UGGT1: variants seen among roughly 807,000 people sequenced by gnomAD.
The protein encoded by UGGT1 is UDP-glucose:glycoprotein glucosyltransferase 1.
In UGGT1, 107 loss-of-function variants were observed where a neutral mutation model predicts 203.9. The ratio of observed to expected loss-of-function variants is 0.52; its 90% CI spans 0.45 to 0.62. The LOEUF (loss-of-function observed/expected upper bound fraction) is 0.62, where lower values mean the gene tolerates loss of function less well. Among genes scored for constraint, UGGT1 ranks in the 20% least tolerant of loss-of-function variants. The pLI is 0.00. For synonymous variants in UGGT1, 628 were observed against 653.5 expected, an observed-to-expected ratio of 0.96 and a Z score of 0.59; for missense variants, 1,673 against 1,867.2, an observed-to-expected ratio of 0.90 and a Z score of 1.92.
chr2:128,176,998 G>C, intron 32 of UGGT1, 100 bp downstream of exon 32: 6 of 1,148,302 alleles, frequency 5.2e-6, no homozygotes, highest in Non-Finnish European at 7.6e-6. Flanking sequence ...AATTTGCTAT[G>C]GCAATTATAG....
chr2:128,155,463 T>C (rs1422598820), intron 19 of UGGT1, 26 bp from the exon 20 acceptor site: 9 of 1,524,480 alleles, frequency 5.9e-6, no homozygotes, highest in Non-Finnish European at 8.2e-6. Flanking sequence ...GGAACTAATA[T>C]ATACGTATTT....
chr2:128,144,243 T>C (rs939171969), intron 17 of UGGT1, among the ~76,000 whole-genome samples: 1 of 152,224 alleles, frequency 6.6e-6, no homozygotes, highest in Non-Finnish European at 1.5e-5. Context: ...TTGTTAATTA[T>C]TTATCATTAT....
rs542751629 is a variant in UGGT1 at position 128,092,585 on chromosome 2, A to G, written c.58+1170A>G. Among the ~76,000 whole-genome samples the G allele has an allele frequency of 1.8e-3, 265 of 144,822 alleles. 1 individual carries two copies. Among genetic ancestry groups the G allele is most frequent in the Admixed American group, 5.2e-3 (72 of 13,858 alleles). On this transcript the variant is annotated intron_variant, in intron 1 of 40. Transcript: ENST00000259253. ...CCCTGTAACAATACAAGATGATGTG[A>G]TAATTTTCTTTCTTTCTTTCTTTTT... is the stretch of plus-strand genomic sequence containing the variant.
At chr2:128,104,317 A>C (rs1480088367) in intron 3 of UGGT1, among the ~76,000 whole-genome samples, 2 of 152,210 alleles carry the variant, frequency 1.3e-5, no homozygotes, top group African/African-American at 2.4e-5. Flanking sequence ...TAAATCATTC[A>C]GTATTAATAA....
chr2:128,092,605 C>T (rs372824644), intron 1 of UGGT1, among the ~76,000 whole-genome samples: 31 of 126,686 alleles, frequency 2.4e-4, no homozygotes, highest in Non-Finnish European at 3.7e-4. Context: ...TTCTTTCTTT[C>T]TTTTTTTTTT....
Position 128,120,374 on chromosome 2 carries a change from G to A in UGGT1, c.891G>A (p.Leu297=). 6.2e-7 allele frequency: 1 copy of A among 1,613,844 alleles called. No individual in the cohort carries two copies. Among genetic ancestry groups the A allele is most frequent in the Non-Finnish European group, 8.5e-7 (1 of 1,179,920 alleles). The change falls in exon 9 of 41, where the codon CTG becomes CTA. Residue 297 remains leucine, a synonymous_variant. Transcript: ENST00000259253. ...CTTTTAGAGATCTGCACCCCGACCT[G>A]GAGGGACAGTTGAAAGAACTCAGAA... The part of the protein sequence containing the change: ...FGKLRDLHPD[L]EGQLKELRKH...
intron 11 of UGGT1, 136 bp from the exon 12 acceptor site, chr2:128,127,225 C>A: frequency 1.6e-6 from 1 of 634,254 alleles, no homozygotes; most frequent in Non-Finnish European, 2.8e-6. Context: ...GCCATTGAAT[C>A]CCAACAGCAT....
chr2:128,158,213 T>G (rs1391305004), intron 22 of UGGT1, among the ~76,000 whole-genome samples: 1 of 152,138 alleles, frequency 6.6e-6, no homozygotes, highest in East Asian at 1.9e-4. Flanking sequence ...AGAGTTGCAT[T>G]TTTTAATAAC....
At chr2:128,143,948 A>G (rs1258165287) in intron 17 of UGGT1, among the ~76,000 whole-genome samples, 1 of 152,192 alleles carries the variant, frequency 6.6e-6, no homozygotes, top group Non-Finnish European at 1.5e-5. Context: ...TTGCACTTGT[A>G]AATCTGTTCC....
chr2:128,147,138 T>G (rs961666639), intron 18 of UGGT1, among the ~76,000 whole-genome samples: 16 of 152,190 alleles, frequency 1.1e-4, no homozygotes, highest in Non-Finnish European at 1.8e-4. Context: ...TCTTCCCTCC[T>G]CTCATTCTGG....
rs1691469050 is a variant in UGGT1 at position 128,177,700 on chromosome 2, G to A, written c.3625-132G>A. On this transcript the variant is annotated intron_variant, in intron 32 of 40. Transcript: ENST00000259253. ...TTGAATCCTTCTAGACTCTGGGTGGGGTTGTGCCTGTTTGTGAGAGAATTG... is the reference window on the plus strand; with the variant it reads ...TTGAATCCTTCTAGACTCTGGGTGGAGTTGTGCCTGTTTGTGAGAGAATTG... 5 of 658,740 alleles carry A rather than the reference G, an allele frequency of 7.6e-6. No homozygotes were observed. In the South Asian group the frequency reaches 1.2e-4, roughly 16 times the overall value. The allele number at this position is 658,740 out of a possible 1,614,324, so 40.8% of individuals were successfully genotyped here.
chr2:128,143,293 G>A, intron 17 of UGGT1, 68 bp downstream of exon 17: 1 of 1,466,800 alleles, frequency 6.8e-7, no homozygotes, highest in South Asian at 1.5e-5. Flanking sequence ...GTGTTTGGGG[G>A]CTTTGGTTAA....
At chr2:128,149,918 T>C (rs973732320) in intron 18 of UGGT1, among the ~76,000 whole-genome samples, 1 of 152,152 alleles carries the variant, frequency 6.6e-6, no homozygotes, top group African/African-American at 2.4e-5. Context: ...GCCAAGATCG[T>C]GACATTGCAC....
intron 13 of UGGT1, 41 bp from the exon 14 acceptor site, chr2:128,133,100 G>GT: frequency 6.2e-7 from 1 of 1,603,292 alleles, no homozygotes; most frequent in Non-Finnish European, 8.5e-7. Context: ...TTACTAACTG[G>GT]TTCCTAATGT....
Position 128,157,327 on chromosome 2 carries a change from A to C in UGGT1, c.2336A>C (p.Tyr779Ser). The C allele has an allele frequency of 6.2e-7, 1 of 1,613,780 alleles. No individual in the cohort carries two copies. Among genetic ancestry groups the C allele is most frequent in the South Asian group, 1.1e-5 (1 of 91,076 alleles). ...FDSPSGRQLLYDAIKHQKSSN... is the reference protein window; with the variant it reads ...FDSPSGRQLLSDAIKHQKSSN... Reference sequence around the variant, plus strand: ...AGCCCTTCTGGACGGCAGTTACTGTATGATGCCATCAAACATCAGGCAAGT... The same window carrying C: ...AGCCCTTCTGGACGGCAGTTACTGTCTGATGCCATCAAACATCAGGCAAGT... The change falls in exon 22 of 41, where the codon TAT (tyrosine) becomes TCT (serine). Residue 779 changes from tyrosine to serine, a missense_variant. By Grantham distance (144) the Tyr-to-Ser change is moderately radical. Around this residue, in one of 4 missense-constraint regions of UGGT1, gnomAD observed 1,073 missense variants for 1,078.7 expected, o/e 0.99. Transcript: ENST00000259253.
chr2:128,162,964 C>T (rs186044845), intron 25 of UGGT1, among the ~76,000 whole-genome samples: 12 of 147,808 alleles, frequency 8.1e-5, no homozygotes, highest in African/African-American at 1.4e-4. Context: ...TTTTCATTAG[C>T]GCCAGAGCTG....
Position 128,156,389 on chromosome 2 carries a change from C to G in UGGT1, c.2237-3C>G, listed in dbSNP as rs375467391. The G allele has an allele frequency of 6.3e-7, 1 of 1,590,428 alleles. No individual in the cohort carries two copies. The highest frequency in any genetic ancestry group is 8.6e-7 in the Non-Finnish European group (1 of 1,160,210). ...CTACTCTTTTCTCTTTACCTTTGTT[C>G]AGGAATGTCCTCCAAGGAAATCTAT... On this transcript the variant is annotated splice_polypyrimidine_tract_variant and splice_region_variant and intron_variant, in intron 20 of 40. Transcript: ENST00000259253.
intron 2 of UGGT1, among the ~76,000 whole-genome samples, chr2:128,097,919 T>C (rs1687188104): frequency 6.6e-6 from 1 of 152,202 alleles, no homozygotes; most frequent in Admixed American, 6.5e-5. Context: ...TGGAGTGCAG[T>C]GGTGAGATCT....
chr2:128,151,310 C>T, intron 18 of UGGT1: 1 of 572,536 alleles, frequency 1.7e-6, no homozygotes, highest in Non-Finnish European at 3.3e-6. Flanking sequence ...TTCAGCAGCA[C>T]CTTCACAGGC....
Sources: gnomAD v4.1 joint callset for allele counts (sites outside exome capture counted in the v4.1 genomes callset) on GRCh38, gnomAD v4.1.1 for gene constraint, gnomAD v4.1.1 regional missense constraint, MANE v1.5 for transcripts, NCBI Gene and HGNC (gene_info 2026-07-23, HGNC 2026-07-21) for gene names.